The following ZNF33A variants were observed in gnomAD, a reference collection of about 807,000 sequenced individuals.
ZNF33A encodes zinc finger protein 33A, also known as brain my041 protein.
ZNF33A carries 9 observed loss-of-function variants against 15.9 expected under a neutral mutation model. The ratio of observed to expected loss-of-function variants is 0.57; its 90% CI spans 0.34 to 0.99. ZNF33A has a LOEUF of 0.99. Ranked by LOEUF, ZNF33A falls within the 50% of genes least tolerant of loss-of-function variation. The pLI, the probability that ZNF33A is intolerant of heterozygous loss-of-function variation, is 0.02. For missense variants in ZNF33A, 843 were observed against 941.6 expected, an observed-to-expected ratio of 0.90 and a Z score of 1.37; for synonymous variants, 294 against 324.2, an observed-to-expected ratio of 0.91 and a Z score of 1.00.
rs2135769193 is a variant in ZNF33A at position 38,055,688 on chromosome 10, T to C, written c.1564T>C (p.Trp522Arg). ...LTRHQIIHTG[W>R]KPYECYECGK... ...CAGGCATCAGATAATTCATACAGGGTGGAAACCTTATGAATGTTATGAATG... is the reference window on the plus strand; with the variant it reads ...CAGGCATCAGATAATTCATACAGGGCGGAAACCTTATGAATGTTATGAATG... Residue 522 changes from tryptophan (W) to arginine (R), a missense_variant, in exon 5 of 5, where the codon TGG (tryptophan) becomes CGG (arginine). Transcript: ENST00000432900. 6.2e-7 allele frequency: 1 copy of C among 1,613,316 alleles called. No homozygotes were observed. The highest frequency in any genetic ancestry group is 2.2e-5 in the East Asian group (1 of 44,752).
At chr10:38,013,174 G>A (rs986648778) in intron 2 of ZNF33A, among the ~76,000 whole-genome samples, 33 of 146,110 alleles carry the variant, frequency 2.3e-4, no homozygotes, top group African/African-American at 7.7e-4. Context: ...ACAGTGGCGC[G>A]ATCTTGGCTC....
At chr10:38,028,400 G>C (rs1446066718) in intron 4 of ZNF33A, among the ~76,000 whole-genome samples, 1 of 151,506 alleles carries the variant, frequency 6.6e-6, no homozygotes, top group Non-Finnish European at 1.5e-5. Flanking sequence ...ACTGCATTTT[G>C]TTTTCTGTAT....
At chr10:38,013,026 C>T (rs1477877483) in intron 2 of ZNF33A, among the ~76,000 whole-genome samples, 3 of 152,166 alleles carry the variant, frequency 2.0e-5, no homozygotes, top group Non-Finnish European at 4.4e-5. Context: ...TTGAGTCAAA[C>T]TGCTTTTTTA....
downstream of ZNF33A, among the ~76,000 whole-genome samples, chr10:38,061,334 G>A (rs1036585271): frequency 6.6e-6 from 1 of 152,158 alleles, no homozygotes; most frequent in Non-Finnish European, 1.5e-5. Context: ...ACCCCTAAGA[G>A]TGTCAAGATG....
intron 4 of ZNF33A, among the ~76,000 whole-genome samples, chr10:38,052,544 A>G (rs2135749279): frequency 6.6e-6 from 1 of 152,298 alleles, no homozygotes; most frequent in Admixed American, 6.5e-5. Flanking sequence ...TATAGATTCA[A>G]AATAATATAA....
At chr10:38,022,016 C>T (rs1250299025) in intron 4 of ZNF33A, among the ~76,000 whole-genome samples, 5 of 151,980 alleles carry the variant, frequency 3.3e-5, no homozygotes, top group Admixed American at 6.6e-5. Flanking sequence ...ATTTATGGCA[C>T]TAAATGCTGA....
Position 38,017,398 on chromosome 10 carries a change from T to C in ZNF33A, c.250+12T>C. On this transcript the variant is annotated intron_variant, in intron 4 of 4. Transcript: ENST00000432900. ...CCAAAGCTTTCCAGGTGAGTTAATA[T>C]GTACTGCACAGATTCACATCAGGGG... is the stretch of plus-strand genomic sequence containing the variant. The C allele has an allele frequency of 6.3e-7, 1 of 1,592,154 alleles. No individual in the cohort carries two copies. The highest frequency in any genetic ancestry group is 8.6e-7 in the Non-Finnish European group (1 of 1,162,184).
chr10:38,049,536 T>C (rs73246319), intron 4 of ZNF33A, among the ~76,000 whole-genome samples: 2,276 of 152,266 alleles, frequency 0.015, 64 homozygotes, highest in African/African-American at 0.052. Flanking sequence ...TAATGTATTA[T>C]GTGTAATGTA....
chr10:38,039,261 T>G (rs1319725479), intron 4 of ZNF33A, among the ~76,000 whole-genome samples: 1 of 152,004 alleles, frequency 6.6e-6, no homozygotes, highest in Non-Finnish European at 1.5e-5. Context: ...CCTCACTATA[T>G]TGCCCAGGCT....
At chr10:38,041,034 C>T (rs1481484750) in intron 4 of ZNF33A, among the ~76,000 whole-genome samples, 11 of 152,104 alleles carry the variant, frequency 7.2e-5, no homozygotes, top group Non-Finnish European at 1.3e-4. Flanking sequence ...GTTGGTTTTA[C>T]CTCTGCCATT....
intron 4 of ZNF33A, among the ~76,000 whole-genome samples, chr10:38,021,261 A>G (rs2064726043): frequency 6.6e-6 from 1 of 152,244 alleles, no homozygotes; most frequent in Non-Finnish European, 1.5e-5. Flanking sequence ...TATAATGATA[A>G]AAGGATCAAT....
At chr10:38,042,963 G>GA (rs1196653639) in intron 4 of ZNF33A, among the ~76,000 whole-genome samples, 1 of 152,126 alleles carries the variant, frequency 6.6e-6, no homozygotes, top group Non-Finnish European at 1.5e-5. Flanking sequence ...AAAGAAAGGA[G>GA]AAAAAATGTG....
chr10:38,056,870 G>A lies in ZNF33A; in HGVS notation c.*310G>A. On this transcript the variant is annotated 3_prime_UTR_variant, in exon 5 of 5. Coordinates refer to ENST00000432900, the MANE Select transcript of ZNF33A (RefSeq NM_006954.2). ...GTTTGATGCCATAATAGTTTTTAGG[G>A]CACCTAACAATAATTTATAGATGTA... 9 of 1,032,948 alleles carry A rather than the reference G, an allele frequency of 8.7e-6. No homozygotes were observed. The highest frequency in any genetic ancestry group is 1.1e-5 in the Non-Finnish European group (9 of 855,898). 64.0% of individuals were successfully genotyped at this position (1,032,948 alleles called of 1,614,324 possible).
At chr10:38,018,192 A>G (rs2064557337) in intron 4 of ZNF33A, among the ~76,000 whole-genome samples, 1 of 152,252 alleles carries the variant, frequency 6.6e-6, no homozygotes, top group South Asian at 2.1e-4. Context: ...GGTTTTAAAG[A>G]CTATGAAAGA....
upstream of ZNF33A, chr10:38,010,552 C>G: frequency 1.3e-6 from 1 of 772,808 alleles, no homozygotes; most frequent in Non-Finnish European, 2.3e-6. Context: ...CGGGGCACTT[C>G]TCTACCAATC....
chr10:38,055,682 AC>A lies in ZNF33A; in HGVS notation c.1559del (p.Thr520LysfsTer17), dbSNP rs1564880695. 1 of 1,614,002 alleles carries A rather than the reference AC, an allele frequency of 6.2e-7. No individual in the cohort carries two copies. On this transcript the variant is annotated frameshift_variant, in exon 5 of 5. Transcript: ENST00000432900. LOFTEE classifies it low-confidence loss of function (END_TRUNC). The part of the protein sequence containing the change: ...SLLTRHQIIH[T>X]GWKPYECYEC... ...ACTCACCAGGCATCAGATAATTCAT[AC>A]AGGGTGGAAACCTTATGAATGTTAT...
chr10:38,036,570 A>G (rs2135668985), intron 4 of ZNF33A, among the ~76,000 whole-genome samples: 1 of 152,332 alleles, frequency 6.6e-6, no homozygotes, highest in East Asian at 1.9e-4. Flanking sequence ...AACCGAGCAA[A>G]CTAGGAATAG....
At chr10:38,039,885 T>G (rs1159086823) in intron 4 of ZNF33A, among the ~76,000 whole-genome samples, 1 of 151,688 alleles carries the variant, frequency 6.6e-6, no homozygotes, top group Non-Finnish European at 1.5e-5. Flanking sequence ...TACTCTATAA[T>G]CTTTCTGCTT....
chr10:38,012,524 C>T (rs2064237918), intron 2 of ZNF33A, among the ~76,000 whole-genome samples, 174 bp downstream of exon 2: 3 of 150,346 alleles, frequency 2.0e-5, no homozygotes, highest in Admixed American at 6.7e-5. Flanking sequence ...CTCTGCCTCC[C>T]GGGTTCAAGC....
Sources: gnomAD v4.1 joint callset for allele counts (sites outside exome capture counted in the v4.1 genomes callset) on GRCh38, gnomAD v4.1.1 for gene constraint, MANE v1.5 for transcripts, NCBI Gene and HGNC (gene_info 2026-07-23, HGNC 2026-07-21) for gene names.